The following NTAQ1 variants were observed in gnomAD, a reference collection of about 807,000 sequenced individuals.
NTAQ1 encodes the protein N-terminal glutamine amidase 1, also known as protein N-terminal glutamine amidohydrolase.
In NTAQ1, 21 loss-of-function variants were observed where a neutral mutation model predicts 28.2. That is an observed-to-expected ratio of 0.74 (90% CI 0.53 to 1.07). The LOEUF is 1.07. Among genes scored for constraint, NTAQ1 ranks in the 50% least tolerant of loss-of-function variants. NTAQ1 has a pLI of 0.00. For missense variants in NTAQ1, 264 were observed against 256.6 expected, an observed-to-expected ratio of 1.03 and a Z score of -0.20; for synonymous variants, 105 against 90.0, an observed-to-expected ratio of 1.17 and a Z score of -0.94.
chr8:123,456,937 T>C (rs1815666050), intron 6 of NTAQ1, among the ~76,000 whole-genome samples: 1 of 152,182 alleles, frequency 6.6e-6, no homozygotes, highest in Non-Finnish European at 1.5e-5. Flanking sequence ...AGGAAACTCA[T>C]TGTAGCTGTG....
At chr8:123,436,926 C>T (rs1369174916) in intron 4 of NTAQ1, among the ~76,000 whole-genome samples, 1 of 152,090 alleles carries the variant, frequency 6.6e-6, no homozygotes, top group Admixed American at 6.6e-5. Context: ...ATTGAGAGGG[C>T]TGTGAGGGCA....
At chr8:123,435,852 G>C (rs1268292017) in intron 3 of NTAQ1, among the ~76,000 whole-genome samples, 1 of 142,276 alleles carries the variant, frequency 7.0e-6, no homozygotes, top group East Asian at 2.2e-4. Context: ...GGGTGATAGA[G>C]CAAGACTCTG....
intron 5 of NTAQ1, among the ~76,000 whole-genome samples, chr8:123,439,829 C>G (rs1814940750): frequency 6.6e-6 from 1 of 151,512 alleles, no homozygotes; most frequent in Admixed American, 6.6e-5. Flanking sequence ...TGGTGCACGC[C>G]TGTAATCCCA....
chr8:123,423,542 G>T (rs1369544141), intron 1 of NTAQ1, among the ~76,000 whole-genome samples: 1 of 151,938 alleles, frequency 6.6e-6, no homozygotes, highest in Non-Finnish European at 1.5e-5. Flanking sequence ...GAGGCATTGG[G>T]ATTACAGTTG....
intron 3 of NTAQ1, among the ~76,000 whole-genome samples, chr8:123,436,151 G>A (rs1242181258): frequency 1.5e-5 from 2 of 134,424 alleles, no homozygotes; most frequent in Non-Finnish European, 3.1e-5. Context: ...CCTGGGTGAC[G>A]AGAGTAAGAC....
At chr8:123,436,925 G>T (rs1814752192) in intron 4 of NTAQ1, among the ~76,000 whole-genome samples, 1 of 152,082 alleles carries the variant, frequency 6.6e-6, no homozygotes, top group Admixed American at 6.6e-5. Flanking sequence ...CATTGAGAGG[G>T]CTGTGAGGGC....
At chr8:123,447,470 C>T (rs1815333943) in intron 6 of NTAQ1, among the ~76,000 whole-genome samples, 1 of 152,106 alleles carries the variant, frequency 6.6e-6, no homozygotes, top group African/African-American at 2.4e-5. Flanking sequence ...ATCTAGAAGT[C>T]ATTGTATGCC....
chr8:123,459,003 A>G (rs13251417), intron 6 of NTAQ1, among the ~76,000 whole-genome samples: 139,285 of 151,812 alleles, frequency 0.92, 63,929 homozygotes, highest in East Asian at 0.99. Context: ...GCTTGAACCC[A>G]GGGGGCGGAG....
At chr8:123,420,264 G>A (rs1042200768) in intron 1 of NTAQ1, among the ~76,000 whole-genome samples, 5 of 152,144 alleles carry the variant, frequency 3.3e-5, no homozygotes, top group Non-Finnish European at 7.4e-5. Context: ...TGTCATTGCT[G>A]TGTAGTATTC....
chr8:123,475,633 G>A, the NTAQ1 span, among the ~76,000 whole-genome samples: 1 of 152,182 alleles, frequency 6.6e-6, no homozygotes, highest in East Asian at 1.9e-4. Context: ...GTAAATGTGT[G>A]AATATCTCTA....
At chr8:123,473,872 C>G (rs1816065996), downstream of NTAQ1, among the ~76,000 whole-genome samples, 1 of 151,968 alleles carries the variant, frequency 6.6e-6, no homozygotes, top group Admixed American at 6.6e-5. Flanking sequence ...TATAAAAGCT[C>G]CTGGTACATT....
chr8:123,429,497 A>G (rs1391594655), intron 2 of NTAQ1, among the ~76,000 whole-genome samples: 1 of 152,166 alleles, frequency 6.6e-6, no homozygotes, highest in Non-Finnish European at 1.5e-5. Context: ...TCTTGAAGCC[A>G]AGAGTTCAAG....
downstream of NTAQ1, among the ~76,000 whole-genome samples, chr8:123,445,905 C>T (rs1815261903): frequency 6.6e-6 from 1 of 152,014 alleles, no homozygotes; most frequent in Admixed American, 6.6e-5. Context: ...CTCACCCACC[C>T]CCAAGATGAA....
chr8:123,437,702 CAA>C (rs67334148), intron 5 of NTAQ1, among the ~76,000 whole-genome samples: 21 of 137,198 alleles, frequency 1.5e-4, no homozygotes, highest in Middle Eastern at 3.6e-3. Context: ...GACTCCATCT[CAA>C]AAAAAAAAAA....
intron 6 of NTAQ1, among the ~76,000 whole-genome samples, chr8:123,459,724 C>T (rs1453660600): frequency 6.6e-6 from 1 of 152,056 alleles, no homozygotes; most frequent in African/African-American, 2.4e-5. Flanking sequence ...TCCTAGAACC[C>T]CTATTGCTCA....
chr8:123,436,578 T>C lies in NTAQ1; in HGVS notation c.360T>C (p.Asp120=). 1 of 1,613,958 alleles carries C rather than the reference T, an allele frequency of 6.2e-7. No homozygotes were observed. The highest frequency in any genetic ancestry group is 8.5e-7 in the Non-Finnish European group (1 of 1,179,928). ...TYVEDAFKSD[D]DIHPQFRRKF... ...TAGAAGATGCCTTTAAGTCTGATGA[T>C]GACATTCACCCACAGTTTAGGAGGT... is the stretch of plus-strand genomic sequence containing the variant. The change falls in exon 4 of 6, where the codon GAT becomes GAC. Residue 120 remains aspartate, a synonymous_variant. Transcript: ENST00000287387.
At position 123,440,767 on chromosome 8, in the gene NTAQ1, C is replaced by T. The variant is rs1423165257; in HGVS notation, c.509-539C>T. Among the ~76,000 whole-genome samples, 6 of 152,140 alleles carry T rather than the reference C, an allele frequency of 3.9e-5. No homozygotes were observed. The South Asian group carries it at 1.0e-3, about 26-fold the overall frequency. On this transcript the variant is annotated intron_variant, in intron 5 of 5. Transcript: ENST00000287387. ...CTGCCCACCTCGGCCTCCCAAAGTG[C>T]TGGGATTACAGGTGTGAGCCAACAT...
chr8:123,475,646 G>T, the NTAQ1 span, among the ~76,000 whole-genome samples: 1 of 151,980 alleles, frequency 6.6e-6, no homozygotes, highest in Non-Finnish European at 1.5e-5. Context: ...TATCTCTAAG[G>T]CATACTTCTA....
At chr8:123,458,047 A>G (rs1204513881) in intron 6 of NTAQ1, among the ~76,000 whole-genome samples, 20 of 86,812 alleles carry the variant, frequency 2.3e-4, no homozygotes, top group Non-Finnish European at 2.4e-5. Flanking sequence ...AAAAAAAAAA[A>G]AAAAGATTTA....
Sources: gnomAD v4.1 joint callset for allele counts (sites outside exome capture counted in the v4.1 genomes callset) on GRCh38, gnomAD v4.1.1 for gene constraint, MANE v1.5 for transcripts, NCBI Gene and HGNC (gene_info 2026-07-23, HGNC 2026-07-21) for gene names.